Variants in RPN2 observed in about 807,000 individuals in gnomAD.
RPN2 encodes the protein dolichyl-diphosphooligosaccharide--protein glycosyltransferase subunit 2.
Under a neutral mutation model 71.4 loss-of-function variants are expected in RPN2, and 29 were observed. The ratio of observed to expected loss-of-function variants is 0.41; its 90% CI spans 0.30 to 0.55. The LOEUF is 0.55. RPN2 is among the 20% of genes least tolerant of loss of function. RPN2 has a pLI of 0.35. For missense variants in RPN2, 726 were observed against 774.1 expected (o/e 0.94, Z 0.74); for synonymous variants, 308 against 305.0 (o/e 1.01, Z -0.10).
chr20:37,214,078 A>G (rs896898724), intron 9 of RPN2, among the ~76,000 whole-genome samples: 3 of 152,146 alleles, frequency 2.0e-5, no homozygotes, highest in African/African-American at 7.2e-5. Context: ...ATTTTCTTTT[A>G]TTTGTAAGTT....
At chr20:37,214,857 T>C (rs935572936) in intron 9 of RPN2, among the ~76,000 whole-genome samples, 3 of 152,156 alleles carry the variant, frequency 2.0e-5, no homozygotes, top group Non-Finnish European at 2.9e-5. Context: ...TTTAAGTGTC[T>C]TGTGGGGTGG....
At chr20:37,229,830 G>A (rs755702526) in intron 12 of RPN2, 143 bp from the exon 13 acceptor site, 94 of 711,584 alleles carry the variant, frequency 1.3e-4, no homozygotes, top group Non-Finnish European at 2.3e-4. Context: ...GCCTCAATTT[G>A]TCAGCTAATG....
At chr20:37,207,495 A>C in intron 7 of RPN2, 46 bp downstream of exon 7, 2 of 1,567,516 alleles carry the variant, frequency 1.3e-6, no homozygotes, top group Non-Finnish European at 1.8e-6. Flanking sequence ...TATCATTCCT[A>C]GTGGAAGGCT....
chr20:37,182,665 G>A (rs2066913097), intron 1 of RPN2, among the ~76,000 whole-genome samples: 1 of 152,204 alleles, frequency 6.6e-6, no homozygotes, highest in Admixed American at 6.5e-5. Flanking sequence ...CAAGTGTTGG[G>A]ATTACAGAAG....
At chr20:37,235,504 C>T (rs2068359604) in intron 15 of RPN2, among the ~76,000 whole-genome samples, 1 of 152,146 alleles carries the variant, frequency 6.6e-6, no homozygotes, top group Admixed American at 6.5e-5. Context: ...CTCTCCGTTC[C>T]CAGCTCTGAG....
chr20:37,199,671 G>A (rs1333108809), intron 4 of RPN2, among the ~76,000 whole-genome samples: 1 of 152,194 alleles, frequency 6.6e-6, no homozygotes, highest in East Asian at 1.9e-4. Context: ...CATCTGGTGG[G>A]TGAGGTGGTT....
intron 1 of RPN2, 89 bp downstream of exon 1, chr20:37,179,458 C>CT: frequency 6.9e-7 from 1 of 1,441,748 alleles, no homozygotes; most frequent in South Asian, 1.4e-5. Context: ...GCGGGATCCC[C>CT]TTCCCCTGCG....
chr20:37,228,042 C>T (rs1242048921), intron 11 of RPN2, among the ~76,000 whole-genome samples: 1 of 152,184 alleles, frequency 6.6e-6, no homozygotes, highest in Non-Finnish European at 1.5e-5. Flanking sequence ...CAAGCCGAGG[C>T]TCTCTCCATG....
intron 13 of RPN2, among the ~76,000 whole-genome samples, chr20:37,230,590 T>C (rs1600839790): frequency 6.6e-6 from 1 of 152,288 alleles, no homozygotes; most frequent in East Asian, 1.9e-4. Flanking sequence ...ACACAATAAT[T>C]GTTAAACACT....
chr20:37,229,937 C>A, intron 12 of RPN2, 36 bp from the exon 13 acceptor site: 6 of 1,474,626 alleles, frequency 4.1e-6, no homozygotes, highest in Non-Finnish European at 3.8e-6. Context: ...CACTTCTCTG[C>A]CCCTGTGCTT....
chr20:37,179,428 G>A, intron 1 of RPN2, 59 bp downstream of exon 1: 4 of 1,470,380 alleles, frequency 2.7e-6, no homozygotes, highest in Non-Finnish European at 3.6e-6. Flanking sequence ...GTTACTAGTC[G>A]CCGCTCGAGA....
intron 15 of RPN2, among the ~76,000 whole-genome samples, chr20:37,235,199 C>T (rs577472258): frequency 1.9e-4 from 29 of 152,250 alleles, no homozygotes; most frequent in African/African-American, 6.0e-4. Context: ...GTAGTTCATC[C>T]GTCATCTGTC....
At chr20:37,180,567 A>G (rs544412525) in intron 1 of RPN2, among the ~76,000 whole-genome samples, 8 of 152,248 alleles carry the variant, frequency 5.3e-5, no homozygotes, top group African/African-American at 1.9e-4. Context: ...AGGTGGGAAA[A>G]TGCTAGTCGC....
rs1229615136 is a variant in RPN2, at chr20:37,184,267, T to A, written c.101T>A (p.Val34Glu). The part of the protein sequence containing the change: ...TPTHYLTKHD[V>E]ERLKASLDRP... ...ACTCACTACCTCACCAAGCATGACG[T>A]GGAGAGACTAAAAGCCTCGCTGGAT... is the stretch of plus-strand genomic sequence containing the variant. The change falls in exon 2 of 17, where the codon GTG (valine) becomes GAG (glutamate). Residue 34 changes from valine to glutamate, a missense_variant. Coordinates refer to ENST00000237530, the MANE Select transcript of RPN2 (RefSeq NM_002951.5). The A allele has an allele frequency of 1.2e-6, 2 of 1,614,200 alleles. No individual in the cohort carries two copies. The highest frequency in any genetic ancestry group is 2.2e-5 in the South Asian group (2 of 91,088).
intron 8 of RPN2, among the ~76,000 whole-genome samples, chr20:37,211,066 C>T (rs1047439042): frequency 6.6e-6 from 1 of 151,508 alleles, no homozygotes; most frequent in Non-Finnish European, 1.5e-5. Flanking sequence ...ATGGAGTCTT[C>T]CTCTGTCACC....
chr20:37,219,739 T>C (rs947187947), intron 9 of RPN2, among the ~76,000 whole-genome samples: 1 of 152,242 alleles, frequency 6.6e-6, no homozygotes, highest in African/African-American at 2.4e-5. Context: ...GAGTTAATTT[T>C]TGTGTATGGT....
rs1057439663 is a variant in RPN2 at position 37,214,638 on chromosome 20, G to A, written c.1092+773G>A. Among the ~76,000 whole-genome samples the A allele has an allele frequency of 3.3e-5, 5 of 152,128 alleles. No homozygotes were observed. The East Asian group carries it at 5.8e-4, about 18-fold the overall frequency. On this transcript the variant is annotated intron_variant, in intron 9 of 16. Transcript: ENST00000237530. ...CTCTCAATCTGTAGAATGTCTCTCC[G>A]TTTGTGTTTGTCTGATGTTTCTTCA...
chr20:37,236,355 G>A (rs903445613), intron 15 of RPN2, among the ~76,000 whole-genome samples: 4 of 152,284 alleles, frequency 2.6e-5, no homozygotes, highest in Admixed American at 6.5e-5. Context: ...CCAAAATGTT[G>A]GGATTACAGG....
chr20:37,198,355 A>G lies in RPN2; in HGVS notation c.208-42A>G, dbSNP rs1305985341. 5.0e-6 allele frequency: 8 copies of G among 1,614,134 alleles called. No homozygotes were observed. The Admixed American group carries it at 5.0e-5, about 10-fold the overall frequency. On this transcript the variant is annotated intron_variant, in intron 2 of 16. Transcript: ENST00000237530. The stretch of plus-strand genomic sequence containing the variant: ...ACGCCTTTGCTTTTCCTGGTTCACT[A>G]CATGTGTCACCACTTAACATTGACT...
Sources: gnomAD v4.1 joint callset for allele counts (sites outside exome capture counted in the v4.1 genomes callset) on GRCh38, gnomAD v4.1.1 for gene constraint, MANE v1.5 for transcripts, NCBI Gene and HGNC (gene_info 2026-07-23, HGNC 2026-07-21) for gene names.